Variants in GABRG3 observed in about 807,000 individuals in gnomAD.
GABRG3 encodes gamma-aminobutyric acid type A receptor subunit gamma3, also known as gamma-aminobutyric acid receptor subunit gamma-3.
A neutral mutation model predicts 48.8 loss-of-function variants in GABRG3; 25 were observed. That is an observed-to-expected ratio of 0.51 (90% CI 0.37 to 0.72). The LOEUF (loss-of-function observed/expected upper bound fraction) is 0.72, where lower values mean the gene tolerates loss of function less well. Among genes scored for constraint, GABRG3 ranks in the 30% least tolerant of loss-of-function variants. The pLI is 0.00. For synonymous variants in GABRG3, 227 were observed against 217.6 expected, an observed-to-expected ratio of 1.04 and a Z score of -0.38; for missense variants, 394 against 577.9, an observed-to-expected ratio of 0.68 and a Z score of 3.26.
intron 3 of GABRG3, among the ~76,000 whole-genome samples, chr15:27,085,923 A>G (rs1266610270): frequency 1.3e-5 from 2 of 152,172 alleles, no homozygotes; most frequent in African/African-American, 2.4e-5. Flanking sequence ...CAGAATAGTG[A>G]CCTGTGTACT....
intron 3 of GABRG3, among the ~76,000 whole-genome samples, chr15:27,052,089 C>T (rs567033485): frequency 6.6e-6 from 1 of 152,248 alleles, no homozygotes; most frequent in Non-Finnish European, 1.5e-5. Flanking sequence ...GCTGTGTGGC[C>T]CAGTTCCTGA....
intron 5 of GABRG3, among the ~76,000 whole-genome samples, chr15:27,441,553 C>T (rs1281123182): frequency 6.6e-6 from 1 of 152,222 alleles, no homozygotes; most frequent in Non-Finnish European, 1.5e-5. Flanking sequence ...CTCTTCTCCT[C>T]TCCTGGCATC....
Position 27,292,531 on chromosome 15 carries a change from T to C in GABRG3, c.271-34278T>C, listed in dbSNP as rs114922052. Among the ~76,000 whole-genome samples, 1,110 of 152,276 alleles carry C rather than the reference T, an allele frequency of 7.3e-3. 19 individuals are homozygous for C. The highest frequency in any genetic ancestry group is 0.025 in the African/African-American group (1,046 of 41,554). ...GGAAATTTTCTATTTTAATTATGTA[T>C]AACCACATATTATGTACATATATGT... On this transcript the variant is annotated intron_variant, in intron 3 of 9. Coordinates refer to ENST00000615808, the MANE Select transcript of GABRG3 (RefSeq NM_033223.5).
At chr15:27,229,449 T>A (rs937509075) in intron 3 of GABRG3, among the ~76,000 whole-genome samples, 1 of 128,022 alleles carries the variant, frequency 7.8e-6, no homozygotes, top group Non-Finnish European at 1.7e-5. Flanking sequence ...TGTGCCTAGG[T>A]TTTTTGTGTG....
At chr15:27,324,080 A>G (rs2140516693) in intron 3 of GABRG3, among the ~76,000 whole-genome samples, 1 of 152,334 alleles carries the variant, frequency 6.6e-6, no homozygotes, top group African/African-American at 2.4e-5. Context: ...AAACAGCACC[A>G]ATGACTATCA....
At chr15:26,990,508 A>AT (rs1895227958) in intron 2 of GABRG3, among the ~76,000 whole-genome samples, 1 of 152,150 alleles carries the variant, frequency 6.6e-6, no homozygotes, top group Non-Finnish European at 1.5e-5. Flanking sequence ...TGAGCTCATT[A>AT]TATATTCTGG....
intron 6 of GABRG3, among the ~76,000 whole-genome samples, chr15:27,502,947 A>G (rs1890677633): frequency 6.6e-6 from 1 of 152,190 alleles, no homozygotes; most frequent in Admixed American, 6.5e-5. Context: ...ATGTTCGGCC[A>G]TCTGGAAGTG....
chr15:27,314,898 C>T (rs1893158933), intron 3 of GABRG3, among the ~76,000 whole-genome samples: 1 of 151,976 alleles, frequency 6.6e-6, no homozygotes, highest in African/African-American at 2.4e-5. Flanking sequence ...CCAGGGGCTG[C>T]AGGGAGGGAG....
intron 3 of GABRG3, among the ~76,000 whole-genome samples, chr15:27,109,909 G>T (rs914819168): frequency 5.0e-5 from 7 of 138,618 alleles, no homozygotes; most frequent in African/African-American, 9.0e-5. Flanking sequence ...AAATAAAATG[G>T]TTTTCTTAAA....
At chr15:27,251,070 G>C (rs1385804793) in intron 3 of GABRG3, among the ~76,000 whole-genome samples, 1 of 152,188 alleles carries the variant, frequency 6.6e-6, no homozygotes, top group Non-Finnish European at 1.5e-5. Context: ...TGAATCGACT[G>C]CCACGCCTGC....
intron 5 of GABRG3, among the ~76,000 whole-genome samples, chr15:27,367,315 C>T (rs1201323643): frequency 6.6e-6 from 1 of 152,160 alleles, no homozygotes; most frequent in African/African-American, 2.4e-5. Context: ...CATCCCTAGG[C>T]CAACACACCT....
intron 5 of GABRG3, among the ~76,000 whole-genome samples, chr15:27,415,756 A>G: frequency 6.6e-6 from 1 of 152,170 alleles, no homozygotes; most frequent in Non-Finnish European, 1.5e-5. Context: ...TGAAAGGAAA[A>G]CTTAAGACCC....
At chr15:27,210,308 G>A (rs1255267586) in intron 3 of GABRG3, among the ~76,000 whole-genome samples, 1 of 152,172 alleles carries the variant, frequency 6.6e-6, no homozygotes, top group Non-Finnish European at 1.5e-5. Context: ...CTGTCTTACA[G>A]ATGCGAAAAT....
rs1334178068 is a variant in GABRG3 at position 27,003,257 on chromosome 15, G to T, written c.203-23497G>T. The stretch of plus-strand genomic sequence containing the variant: ...TTTATTTTTTATTGATCATTCTTGG[G>T]TGTTTCTCGCAGAGGGGGATTTGGC... On this transcript the variant is annotated intron_variant, in intron 2 of 9. Transcript: ENST00000615808. Among the ~76,000 whole-genome samples, 6 of 136,972 alleles carry T rather than the reference G, an allele frequency of 4.4e-5. No homozygotes were observed. The East Asian group carries it at 1.2e-3, about 28-fold the overall frequency. The allele number at this position is 136,972 out of a possible 152,430, so 89.9% of individuals were successfully genotyped here. A position where few individuals can be genotyped will look rare whatever the true frequency, so the allele number is the denominator to read the frequency against.
chr15:27,520,715 A>G, intron 7 of GABRG3, among the ~76,000 whole-genome samples: 1 of 148,262 alleles, frequency 6.7e-6, no homozygotes, highest in African/African-American at 2.5e-5. Flanking sequence ...TTCCTTTCTG[A>G]CAGGAATTTT....
chr15:27,462,888 T>C (rs1276320465), intron 5 of GABRG3, among the ~76,000 whole-genome samples: 1 of 152,192 alleles, frequency 6.6e-6, no homozygotes, highest in Non-Finnish European at 1.5e-5. Context: ...TTCAGTGACC[T>C]ATTTCAATAA....
intron 7 of GABRG3, among the ~76,000 whole-genome samples, chr15:27,521,624 T>A: frequency 6.6e-6 from 1 of 152,170 alleles, no homozygotes; most frequent in Middle Eastern, 3.4e-3. Flanking sequence ...ACTTAAAGGA[T>A]AATATGATTT....
intron 5 of GABRG3, among the ~76,000 whole-genome samples, chr15:27,338,516 G>T (rs1894054404): frequency 6.6e-6 from 1 of 152,176 alleles, no homozygotes; most frequent in Non-Finnish European, 1.5e-5. Context: ...TTCAGACGCT[G>T]GTTCACGGCA....
At chr15:27,242,524 T>TA (rs1386857836) in intron 3 of GABRG3, among the ~76,000 whole-genome samples, 1 of 152,210 alleles carries the variant, frequency 6.6e-6, no homozygotes, top group African/African-American at 2.4e-5. Flanking sequence ...TTGATATTTT[T>TA]AAAAAATGAG....
Sources: allele counts gnomAD v4.1 joint callset (sites outside exome capture counted in the v4.1 genomes callset), GRCh38; gene constraint gnomAD v4.1.1; transcripts MANE v1.5; gene names NCBI Gene and HGNC (gene_info 2026-07-23, HGNC 2026-07-21).